CNTN1: variants seen among roughly 807,000 people sequenced by gnomAD.
The protein encoded by CNTN1 is contactin 1.
Under a neutral mutation model 126.4 loss-of-function variants are expected in CNTN1, and 38 were observed. That is an observed-to-expected ratio of 0.30 (90% confidence interval 0.23 to 0.39). The LOEUF is 0.39. Ranked by LOEUF, CNTN1 falls within the 10% of genes least tolerant of loss-of-function variation. The pLI, the probability that CNTN1 is intolerant of heterozygous loss-of-function variation, is 1.00. For missense variants in CNTN1, 1,009 were observed against 1,248.4 expected, an observed-to-expected ratio of 0.81 and a Z score of 2.89; for synonymous variants, 413 against 422.6, an observed-to-expected ratio of 0.98 and a Z score of 0.28.
At chr12:40,739,654 T>C (rs548644729) in intron 1 of CNTN1, among the ~76,000 whole-genome samples, 2 of 152,204 alleles carry the variant, frequency 1.3e-5, no homozygotes, top group African/African-American at 4.8e-5. Flanking sequence ...CTGTAATGTT[T>C]TATTTCTTTA....
chr12:41,021,635 CTTTT>C (rs34166721), intron 20 of CNTN1, among the ~76,000 whole-genome samples: 26 of 132,602 alleles, frequency 2.0e-4, no homozygotes, highest in Non-Finnish European at 2.7e-4. Flanking sequence ...CAACAGGAAG[CTTTT>C]TTTTTTTTTT....
chr12:40,783,058 T>C (rs1391956070), intron 1 of CNTN1, among the ~76,000 whole-genome samples: 2 of 152,016 alleles, frequency 1.3e-5, no homozygotes, highest in Non-Finnish European at 2.9e-5. Context: ...AGTAAGAGTA[T>C]AAACTGTTTT....
Position 40,990,069 on chromosome 12 carries a change from G to A in CNTN1, c.1964-3051G>A, listed in dbSNP as rs189161410. Among the ~76,000 whole-genome samples the A allele has an allele frequency of 7.6e-4, 115 of 151,978 alleles. 1 individual carries two copies. Among genetic ancestry groups the A allele is most frequent in the Non-Finnish European group, 1.9e-4 (13 of 67,992 alleles). ...GGTACATCTTTTAAAAATGATAGACGTTAATCATGTTTTTGCTAAATTATT... is the reference window on the plus strand; with the variant it reads ...GGTACATCTTTTAAAAATGATAGACATTAATCATGTTTTTGCTAAATTATT... On this transcript the variant is annotated intron_variant, in intron 16 of 23. Coordinates refer to ENST00000551295, the MANE Select transcript of CNTN1 (RefSeq NM_001843.4).
At chr12:40,943,524 T>A (rs1946331021) in intron 12 of CNTN1, 73 bp from the exon 13 acceptor site, 11 of 1,160,022 alleles carry the variant, frequency 9.5e-6, no homozygotes, top group Admixed American at 3.7e-5. Flanking sequence ...AATATTAGTG[T>A]TTGTAATCTA....
intron 23 of CNTN1, among the ~76,000 whole-genome samples, chr12:41,056,156 G>C (rs11179638): frequency 0.12 from 18,030 of 152,036 alleles, 1,270 homozygotes; most frequent in Non-Finnish European, 0.16. Flanking sequence ...AAACAAAGTA[G>C]GTTAGAAAAT....
At chr12:40,739,760 A>G (rs1052018510) in intron 1 of CNTN1, among the ~76,000 whole-genome samples, 1 of 152,112 alleles carries the variant, frequency 6.6e-6, no homozygotes, top group Non-Finnish European at 1.5e-5. Context: ...TTGAAATACT[A>G]TTATAAACAT....
rs1272742011 is a variant in CNTN1, at chr12:40,707,040, GCT to G, written c.-77+14449_-77+14450del. Among the ~76,000 whole-genome samples, 46 of 100,436 alleles carry G rather than the reference GCT, an allele frequency of 4.6e-4. 1 individual carries two copies. The highest frequency in any genetic ancestry group is 1.5e-3 in the African/African-American group (39 of 25,496). The allele number at this position is 100,436 out of a possible 152,430, so 65.9% of individuals were successfully genotyped here. A position where few individuals can be genotyped will look rare whatever the true frequency, so the allele number is the denominator to read the frequency against. On this transcript the variant is annotated intron_variant, in intron 1 of 23. Coordinates refer to ENST00000551295, the MANE Select transcript of CNTN1 (RefSeq NM_001843.4). ...TACATATAAAGACGTGCGCGCGCGC[GCT>G]TGCGCACACACACACACACACACAC...
chr12:40,803,531 G>A (rs1029073990), intron 1 of CNTN1, among the ~76,000 whole-genome samples: 1 of 151,976 alleles, frequency 6.6e-6, no homozygotes, highest in Non-Finnish European at 1.5e-5. Flanking sequence ...GCTTAGACAT[G>A]TTTTAACAAG....
At chr12:41,018,020 G>A (rs907594848) in intron 19 of CNTN1, among the ~76,000 whole-genome samples, 18 of 151,922 alleles carry the variant, frequency 1.2e-4, no homozygotes, top group Non-Finnish European at 2.5e-4. Flanking sequence ...GGACCCGGGA[G>A]GTGAAGTTGC....
chr12:40,754,896 T>C (rs759845663), intron 1 of CNTN1, among the ~76,000 whole-genome samples: 16 of 151,900 alleles, frequency 1.1e-4, no homozygotes, highest in Non-Finnish European at 1.6e-4. Context: ...TAAAACTGAT[T>C]TCTATACATT....
chr12:40,720,910 A>T (rs10879079), intron 1 of CNTN1, among the ~76,000 whole-genome samples: 30,620 of 151,450 alleles, frequency 0.2, 3,212 homozygotes, highest in Middle Eastern at 0.28. Context: ...GCCTATTTGT[A>T]ACAGAGGAAG....
intron 12 of CNTN1, among the ~76,000 whole-genome samples, chr12:40,942,916 T>G (rs947748535): frequency 2.0e-5 from 3 of 152,214 alleles, no homozygotes; most frequent in Admixed American, 2.0e-4. Flanking sequence ...GTTTGCATGT[T>G]TTGTGCAAAC....
chr12:40,732,864 C>T (rs1322725589), intron 1 of CNTN1, among the ~76,000 whole-genome samples: 1 of 152,022 alleles, frequency 6.6e-6, no homozygotes, highest in East Asian at 1.9e-4. Flanking sequence ...CTAATTTTGC[C>T]TACATAATAT....
chr12:40,798,766 A>G (rs1432214990), intron 1 of CNTN1, among the ~76,000 whole-genome samples: 1 of 151,934 alleles, frequency 6.6e-6, no homozygotes, highest in African/African-American at 2.4e-5. Context: ...GGAGGAAAAA[A>G]TTCAGGAAAA....
At chr12:40,942,350 C>T (rs894166766) in intron 12 of CNTN1, among the ~76,000 whole-genome samples, 2 of 152,002 alleles carry the variant, frequency 1.3e-5, no homozygotes, top group African/African-American at 4.8e-5. Context: ...TACTGAGATA[C>T]AGGTCTGATC....
chr12:40,719,636 A>C (rs1026021094), intron 1 of CNTN1, among the ~76,000 whole-genome samples: 2 of 152,228 alleles, frequency 1.3e-5, no homozygotes, highest in Non-Finnish European at 2.9e-5. Context: ...GATCAATAAG[A>C]TATATCATCC....
chr12:40,988,002 AT>A (rs1948005643), intron 16 of CNTN1, among the ~76,000 whole-genome samples: 1 of 149,958 alleles, frequency 6.7e-6, no homozygotes, highest in Non-Finnish European at 1.5e-5. Context: ...GAATTTCTAG[AT>A]TTTTATGAGG....
At chr12:40,956,354 C>A (rs1233315654) in intron 14 of CNTN1, among the ~76,000 whole-genome samples, 1 of 152,082 alleles carries the variant, frequency 6.6e-6, no homozygotes, top group Non-Finnish European at 1.5e-5. Flanking sequence ...ACTTCAACCA[C>A]ATAATCACAA....
At chr12:41,038,603 A>G (rs1949324114) in intron 23 of CNTN1, among the ~76,000 whole-genome samples, 1 of 152,168 alleles carries the variant, frequency 6.6e-6, no homozygotes, top group Non-Finnish European at 1.5e-5. Flanking sequence ...ACTTCGATAT[A>G]TGAACTTGAG....
Sources: allele counts gnomAD v4.1 joint callset (sites outside exome capture counted in the v4.1 genomes callset), GRCh38; gene constraint gnomAD v4.1.1; transcripts MANE v1.5; gene names NCBI Gene and HGNC (gene_info 2026-07-23, HGNC 2026-07-21).